The following GRK6 variants were observed in gnomAD, a reference collection of about 807,000 sequenced individuals.
GRK6 encodes the protein G protein-coupled receptor kinase 6.
In GRK6, 37 loss-of-function variants were observed where a neutral mutation model predicts 80.8. That is an observed-to-expected ratio of 0.46 (90% CI 0.35 to 0.60). The LOEUF is 0.60. Among genes scored for constraint, GRK6 ranks in the 20% least tolerant of loss-of-function variants. The pLI is 0.00. For synonymous variants in GRK6, 295 were observed against 320.9 expected (o/e 0.92, Z 0.86); for missense variants, 560 against 784.6 (o/e 0.71, Z 3.42).
chr5:177,432,355 C>T (rs564855795), intron 4 of GRK6, 45 bp downstream of exon 4: 47 of 1,569,188 alleles, frequency 3.0e-5, no homozygotes, highest in Middle Eastern at 2.3e-4. Flanking sequence ...ACCAGAGCCC[C>T]GTGTCAGGCA....
At chr5:177,434,755 G>A in intron 9 of GRK6, 147 bp from the exon 10 acceptor site, 1 of 802,218 alleles carries the variant, frequency 1.2e-6, no homozygotes, top group Non-Finnish European at 2.1e-6. Flanking sequence ...GCCAGGGAGA[G>A]CAGGGCTGTC....
In GRK6 at chr5:177,435,853, C is replaced by T. The variant is rs992465502; in HGVS notation, c.1058-220C>T. Among the ~76,000 whole-genome samples, 7 of 152,210 alleles carry T rather than the reference C, an allele frequency of 4.6e-5. No individual in the cohort carries two copies. The East Asian group carries it at 5.8e-4, about 13-fold the overall frequency. On this transcript the variant is annotated intron_variant, in intron 11 of 15. Transcript: ENST00000355472. ...TCACATACAAAATACAGATTTCTGA[C>T]TTCTTGTGTAAAATCTGAAGACCCG... is the stretch of plus-strand genomic sequence containing the variant.
rs200924933 is a variant in GRK6 at position 177,435,076 on chromosome 5, G to A, written c.1012G>A (p.Glu338Lys). The change falls in exon 11 of 16, where the codon GAG (glutamate) becomes AAG (lysine). Residue 338 changes from glutamate to lysine, a missense_variant. Transcript: ENST00000355472. ...CCTGGGACTAGCTGTGCATGTGCCC[G>A]AGGGCCAGACCATCAAAGGGCGTGT... ...SDLGLAVHVP[E>K]GQTIKGRVGT... 105 of 1,612,212 alleles carry A rather than the reference G, an allele frequency of 6.5e-5. No individual in the cohort carries two copies. In the Middle Eastern group the frequency reaches 4.8e-3, roughly 74 times the overall value.
In GRK6 at chr5:177,433,556, G is replaced by A. The variant is rs755703477; in HGVS notation, c.618G>A (p.Arg206=). 6.2e-7 allele frequency: 1 copy of A among 1,614,080 alleles called. No individual in the cohort carries two copies. Among genetic ancestry groups the A allele is most frequent in the Non-Finnish European group, 8.5e-7 (1 of 1,180,010 alleles). ...CACAGGTGTGCGCCTGCCAGGTGCG[G>A]GCCACAGGTAAGATGTATGCCTGCA... ...GFGEVCACQV[R]ATGKMYACKK... Residue 206 remains arginine, a synonymous_variant, in exon 8 of 16, where the codon CGG becomes CGA. Transcript: ENST00000355472.
intron 2 of GRK6, chr5:177,431,647 C>CGGCTG: frequency 3.3e-6 from 1 of 300,416 alleles, no homozygotes. Flanking sequence ...GGCCTGGCCC[C>CGGCTG]GGCTGGGCTG....
chr5:177,432,204 C>T (rs1004340221), intron 3 of GRK6, 29 bp from the exon 4 acceptor site: 14 of 1,613,436 alleles, frequency 8.7e-6, no homozygotes, highest in Admixed American at 3.3e-5. Flanking sequence ...CTGCCCAGAC[C>T]TCCAGCTTCT....
Position 177,436,419 on chromosome 5 carries a change from C to T in GRK6, c.1293C>T (p.Arg431=). Residue 431 remains arginine (R), a synonymous_variant, in exon 13 of 16, where the codon CGC becomes CGT. Coordinates refer to ENST00000355472, the MANE Select transcript of GRK6 (RefSeq NM_001004106.3). ...TCCTCTGCAAGGACCCTGCCGAACG[C>T]CTGGGGTGTCGTGGGGGCAGTGCCC... ...SQLLCKDPAE[R]LGCRGGSARE... 1 of 1,613,214 alleles carries T rather than the reference C, an allele frequency of 6.2e-7. No homozygotes were observed. Among genetic ancestry groups the T allele is most frequent in the Non-Finnish European group, 8.5e-7 (1 of 1,179,898 alleles).
At chr5:177,440,631 T>A in intron 13 of GRK6, 69 bp from the exon 14 acceptor site, 1 of 1,579,258 alleles carries the variant, frequency 6.3e-7, no homozygotes, top group Non-Finnish European at 8.7e-7. Context: ...CGAGGCAGAA[T>A]CAGGGCTGAG....
At position 177,442,689 on chromosome 5, in the gene GRK6, G is replaced by C. The variant is rs1396918939; in HGVS notation, c.*899G>C. 2 of 152,824 alleles carry C rather than the reference G, an allele frequency of 1.3e-5. No homozygotes were observed. Among genetic ancestry groups the C allele is most frequent in the African/African-American group, 2.4e-5 (1 of 41,470 alleles). 9.5% of individuals were successfully genotyped at this position (152,824 alleles called of 1,614,324 possible). A position where few individuals can be genotyped will look rare whatever the true frequency, so the allele number is the denominator to read the frequency against. Reference sequence around the variant, plus strand: ...GCGCGTGTGTACCTGTGTGGGTGAAGGGGATAGGGCGAGGCTGTGCCTGTG... The same window carrying C: ...GCGCGTGTGTACCTGTGTGGGTGAACGGGATAGGGCGAGGCTGTGCCTGTG... On this transcript the variant is annotated 3_prime_UTR_variant, in exon 16 of 16. Coordinates refer to ENST00000355472, the MANE Select transcript of GRK6 (RefSeq NM_001004106.3).
Position 177,441,070 on chromosome 5 carries a change from G to T in GRK6, c.1677+17G>T, listed in dbSNP as rs1163044396. ...AGTCGCCAAGTAAGCCCCAGCAGCGGCCTACCTGGGCCCCTAACCTGGCTC... is the reference window on the plus strand; with the variant it reads ...AGTCGCCAAGTAAGCCCCAGCAGCGTCCTACCTGGGCCCCTAACCTGGCTC... On this transcript the variant is annotated intron_variant, in intron 15 of 15. Coordinates refer to ENST00000355472, the MANE Select transcript of GRK6 (RefSeq NM_001004106.3). The T allele has an allele frequency of 6.2e-7, 1 of 1,612,004 alleles. No homozygotes were observed. Among genetic ancestry groups the T allele is most frequent in the Non-Finnish European group, 8.5e-7 (1 of 1,179,100 alleles).
intron 13 of GRK6, among the ~76,000 whole-genome samples, chr5:177,437,351 C>A (rs1163374903): frequency 6.6e-6 from 1 of 152,192 alleles, no homozygotes; most frequent in Non-Finnish European, 1.5e-5. Flanking sequence ...TCACTGGCCA[C>A]ACCCAGATCA....
intron 1 of GRK6, 88 bp downstream of exon 1, chr5:177,426,985 A>C: frequency 1.1e-6 from 1 of 881,718 alleles, no homozygotes; most frequent in Non-Finnish European, 1.5e-6. Flanking sequence ...CAGCCGTCGG[A>C]TCCCCTAGGC....
In GRK6 at chr5:177,432,294, A is replaced by G; in HGVS notation, c.323A>G (p.Asn108Ser). ...GCATGTGGGCGGCAGCTAACGCAGAATTTTCTGAGCCACACGGTGAGTGAG... is the reference window on the plus strand; with the variant it reads ...GCATGTGGGCGGCAGCTAACGCAGAGTTTTCTGAGCCACACGGTGAGTGAG... ...RKACGRQLTQ[N>S]FLSHTGPDLI... The change falls in exon 4 of 16, where the codon AAT becomes AGT. Residue 108 changes from asparagine to serine, a missense_variant. This residue lies in a region of GRK6 where 189 missense variants were observed against 230.2 expected (regional missense o/e 0.82). Transcript: ENST00000355472. 1.9e-6 allele frequency: 3 copies of G among 1,612,810 alleles called. No homozygotes were observed. The highest frequency in any genetic ancestry group is 2.5e-6 in the Non-Finnish European group (3 of 1,179,996).
chr5:177,430,780 G>C, intron 1 of GRK6, 92 bp from the exon 2 acceptor site: 1 of 1,096,724 alleles, frequency 9.1e-7, no homozygotes. Flanking sequence ...CTCTGCCTTG[G>C]CTGGGCCCTA....
chr5:177,430,301 C>T lies in GRK6; in HGVS notation c.53-571C>T, dbSNP rs57371781. 2.6e-3 allele frequency among the ~76,000 whole-genome samples: 395 copies of T among 152,344 alleles called. 3 individuals carry two copies. The highest frequency in any genetic ancestry group is 7.8e-3 in the African/African-American group (326 of 41,584). ...TCAGCTGCTGCAGATGGGGTGTCTG[C>T]GAGGTCAAGCAAGACAGGCAGGGGA... On this transcript the variant is annotated intron_variant, in intron 1 of 15. Transcript: ENST00000355472.
chr5:177,431,773 G>T (rs577802389), intron 2 of GRK6: 7 of 584,024 alleles, frequency 1.2e-5, no homozygotes, highest in Non-Finnish European at 2.1e-5. Context: ...CCAGACTCCC[G>T]GCTGTGTGAC....
At chr5:177,431,791 T>C (rs1266753982) in intron 2 of GRK6, 3 of 601,250 alleles carry the variant, frequency 5.0e-6, no homozygotes, top group East Asian at 2.8e-5. Flanking sequence ...GACACTGAGC[T>C]AGTCAGTTAG....
chr5:177,433,586 G>C lies in GRK6; in HGVS notation c.648G>C (p.Lys216Asn). The stretch of plus-strand genomic sequence containing the variant: ...CAGGTAAGATGTATGCCTGCAAGAA[G>C]CTAGAGAAAAAGCGGATCAAGAAGC... ...RATGKMYACKKLEKKRIKKRK... is the reference protein window; with the variant it reads ...RATGKMYACKNLEKKRIKKRK... The change falls in exon 8 of 16, where the codon AAG (lysine) becomes AAC (asparagine). Residue 216 changes from lysine (K) to asparagine (N), a missense_variant. Transcript: ENST00000355472. 6.2e-7 allele frequency: 1 copy of C among 1,614,190 alleles called. No individual in the cohort carries two copies. Among genetic ancestry groups the C allele is most frequent in the Non-Finnish European group, 8.5e-7 (1 of 1,180,040 alleles).
intron 13 of GRK6, among the ~76,000 whole-genome samples, chr5:177,437,237 G>T (rs1764202723): frequency 1.3e-5 from 2 of 152,198 alleles, no homozygotes; most frequent in Non-Finnish European, 1.5e-5. Context: ...TTACAGGAGT[G>T]AGCCATCGCG....
Sources: gnomAD v4.1 joint callset for allele counts (sites outside exome capture counted in the v4.1 genomes callset) on GRCh38, gnomAD v4.1.1 for gene constraint, gnomAD v4.1.1 regional missense constraint, MANE v1.5 for transcripts, NCBI Gene and HGNC (gene_info 2026-07-23, HGNC 2026-07-21) for gene names.